Variants in DNM1L observed in about 807,000 individuals in gnomAD.
DNM1L encodes dynamin-1-like protein.
In DNM1L, 33 loss-of-function variants were observed where a neutral mutation model predicts 92.8. The ratio of observed to expected loss-of-function variants is 0.36; its 90% CI spans 0.27 to 0.48. The LOEUF is 0.48. DNM1L is among the 20% of genes least tolerant of loss of function. DNM1L has a pLI of 0.99. For missense variants in DNM1L, 485 were observed against 888.8 expected (o/e 0.55, Z 5.78); for synonymous variants, 284 against 305.0 (o/e 0.93, Z 0.72).
chr12:32,736,992 T>TGA, intron 13 of DNM1L, 113 bp from the exon 14 acceptor site: 1 of 955,162 alleles, frequency 1.0e-6, no homozygotes. Flanking sequence ...GTCCCAACAG[T>TGA]GAGAGGATGT....
chr12:32,696,105 TAC>T (rs1480639251), intron 1 of DNM1L, among the ~76,000 whole-genome samples: 1 of 151,810 alleles, frequency 6.6e-6, no homozygotes, highest in East Asian at 1.9e-4. Flanking sequence ...TTTGGAAGAG[TAC>T]AGCACATACC....
rs138656383 is a variant in DNM1L, at chr12:32,738,483, T to C, written c.1707+187T>C. Among the ~76,000 whole-genome samples, 394 of 152,324 alleles carry C rather than the reference T, an allele frequency of 2.6e-3. 3 individuals carry two copies. Among genetic ancestry groups the C allele is most frequent in the African/African-American group, 8.9e-3 (370 of 41,588 alleles). ...ACGTTGTTTTAATTAGTAACAATAATAGGCTTTCTCACTGTTTTGTTACCT... is the reference window on the plus strand; with the variant it reads ...ACGTTGTTTTAATTAGTAACAATAACAGGCTTTCTCACTGTTTTGTTACCT... On this transcript the variant is annotated intron_variant, in intron 16 of 19. Coordinates refer to ENST00000549701, the MANE Select transcript of DNM1L (RefSeq NM_012062.5).
chr12:32,694,402 A>G (rs1952353755), intron 1 of DNM1L, among the ~76,000 whole-genome samples: 1 of 152,236 alleles, frequency 6.6e-6, no homozygotes, highest in African/African-American at 2.4e-5. Context: ...GACATTTCAT[A>G]TAAACAGGGT....
intron 6 of DNM1L, among the ~76,000 whole-genome samples, chr12:32,716,748 A>G (rs1253414589): frequency 1.4e-5 from 2 of 140,666 alleles, no homozygotes; most frequent in African/African-American, 5.8e-5. Flanking sequence ...TATAGTATAT[A>G]TATATATATA....
chr12:32,711,882 C>CTAAA (rs780280135), intron 5 of DNM1L, among the ~76,000 whole-genome samples: 1 of 152,064 alleles, frequency 6.6e-6, no homozygotes, highest in African/African-American at 2.4e-5. Flanking sequence ...GACCCTGTCT[C>CTAAA]TAAATAAATA....
At chr12:32,743,309 A>T (rs1955447683) in intron 19 of DNM1L, 45 bp from the exon 20 acceptor site, 2 of 1,559,888 alleles carry the variant, frequency 1.3e-6, no homozygotes, top group Non-Finnish European at 1.8e-6. Context: ...GATTAATTTC[A>T]TAACTTTATA....
At chr12:32,739,087 T>G (rs1955103924) in intron 16 of DNM1L, among the ~76,000 whole-genome samples, 1 of 152,212 alleles carries the variant, frequency 6.6e-6, no homozygotes, top group Admixed American at 6.5e-5. Flanking sequence ...TACTCATTTT[T>G]AAGTTAATGT....
chr12:32,743,436 T>C lies in DNM1L; in HGVS notation c.*26T>C, dbSNP rs539978273. 13 of 1,611,312 alleles carry C rather than the reference T, an allele frequency of 8.1e-6. No homozygotes were observed. In the East Asian group the frequency reaches 1.1e-4, roughly 14 times the overall value. On this transcript the variant is annotated 3_prime_UTR_variant, in exon 20 of 20. Transcript: ENST00000549701. Reference sequence around the variant, plus strand: ...AGAGAACTATGTAATACTGAGACTTTGTTGACTCAAAACTTGCTAGTTACT... The same window carrying C: ...AGAGAACTATGTAATACTGAGACTTCGTTGACTCAAAACTTGCTAGTTACT...
At chr12:32,732,139 A>AT (rs200039682) in intron 12 of DNM1L, among the ~76,000 whole-genome samples, 196 bp downstream of exon 12, 2,310 of 152,230 alleles carry the variant, frequency 0.015, 31 homozygotes, top group Middle Eastern at 0.048. Flanking sequence ...TATAAAGTGC[A>AT]TTTTTTCTTC....
chr12:32,727,500 TAA>T (rs538262756), intron 9 of DNM1L: 1 of 517,756 alleles, frequency 1.9e-6, no homozygotes, highest in East Asian at 3.2e-5. Context: ...CAGATGGCGC[TAA>T]AAAAAGAGAC....
At chr12:32,680,588 T>C (rs1364797392) in intron 1 of DNM1L, among the ~76,000 whole-genome samples, 1 of 152,212 alleles carries the variant, frequency 6.6e-6, no homozygotes, top group Non-Finnish European at 1.5e-5. Context: ...CACATTTCCT[T>C]GGTCTGCGAT....
At chr12:32,724,587 A>ATATATAT (rs1555123371) in intron 9 of DNM1L, among the ~76,000 whole-genome samples, 13 of 72,010 alleles carry the variant, frequency 1.8e-4, no homozygotes, top group Non-Finnish European at 4.6e-4. Context: ...AAAAAAAAAA[A>ATATATAT]AAAAAAATAT....
At chr12:32,716,517 C>T (rs114434909) in intron 6 of DNM1L, among the ~76,000 whole-genome samples, 2,769 of 151,936 alleles carry the variant, frequency 0.018, 89 homozygotes, top group African/African-American at 0.064. Flanking sequence ...CAGAGTTTCA[C>T]CACTTTGCCC....
rs1955012548 is a variant in DNM1L, at chr12:32,737,921, T to C, written c.1653T>C (p.Ala551=). 6.2e-7 allele frequency: 1 copy of C among 1,613,992 alleles called. No homozygotes were observed. Among genetic ancestry groups the C allele is most frequent in the Non-Finnish European group, 8.5e-7 (1 of 1,179,990 alleles). The change falls in exon 15 of 20, where the codon GCT becomes GCC. Residue 551 remains alanine (A), a synonymous_variant. Transcript: ENST00000549701. ...CCTCCCAGGAGCCCTCCCCCGCTGC[T>C]TCTGCTGAGGCTGATGGCAAGGTCT... The part of the protein sequence containing the change: ...APASQEPSPA[A]SAEADGKLIQ...
intron 5 of DNM1L, among the ~76,000 whole-genome samples, chr12:32,712,649 CAAAAAAAAAAAAAAAA>C (rs59906286): frequency 1.0e-4 from 3 of 29,792 alleles, no homozygotes; most frequent in Non-Finnish European, 1.3e-4. Flanking sequence ...GACCCTGTCT[CAAAAAAAAAAAAAAAA>C]AAAAAAAAAA....
intron 2 of DNM1L, 62 bp downstream of exon 2, chr12:32,701,624 G>C (rs1401212203): frequency 1.4e-6 from 2 of 1,422,128 alleles, no homozygotes; most frequent in Non-Finnish European, 2.0e-6. Flanking sequence ...TTCTTAAAAA[G>C]ATATGAATTG....
intron 19 of DNM1L, 111 bp downstream of exon 19, chr12:32,742,859 C>A (rs1336870301): frequency 8.2e-6 from 6 of 733,420 alleles, no homozygotes; most frequent in Non-Finnish European, 1.3e-5. Flanking sequence ...TCTAGCTAGG[C>A]TTGTTTCCTG....
intron 2 of DNM1L, among the ~76,000 whole-genome samples, chr12:32,701,873 G>A (rs550207881): frequency 3.2e-3 from 482 of 151,604 alleles, no homozygotes; most frequent in Non-Finnish European, 4.6e-3. Flanking sequence ...GATTACAGGC[G>A]CCCCCCACCA....
Position 32,707,427 on chromosome 12 carries a change from C to T in DNM1L, c.297+14C>T. ...ACCAAAAATAAGGTAATCACACATG[C>T]ATATAATGAAGAAATAATGTTGAAA... On this transcript the variant is annotated intron_variant, in intron 3 of 19. Coordinates refer to ENST00000549701, the MANE Select transcript of DNM1L (RefSeq NM_012062.5). The T allele has an allele frequency of 6.4e-7, 1 of 1,563,346 alleles. No individual in the cohort carries two copies. Among genetic ancestry groups the T allele is most frequent in the Admixed American group, 1.8e-5 (1 of 54,204 alleles).
Sources: gnomAD v4.1 joint callset for allele counts (sites outside exome capture counted in the v4.1 genomes callset) on GRCh38, gnomAD v4.1.1 for gene constraint, MANE v1.5 for transcripts, NCBI Gene and HGNC (gene_info 2026-07-23, HGNC 2026-07-21) for gene names.